PKMYT1: variants seen among roughly 807,000 people sequenced by gnomAD.
The protein encoded by PKMYT1 is membrane-associated tyrosine- and threonine-specific cdc2-inhibitory kinase.
Under a neutral mutation model 49.7 loss-of-function variants are expected in PKMYT1, and 35 were observed. That is an observed-to-expected ratio of 0.70 (90% confidence interval 0.54 to 0.93). The LOEUF is 0.93. Among genes scored for constraint, PKMYT1 ranks in the 40% least tolerant of loss-of-function variants. PKMYT1 has a pLI of 0.00. For missense variants in PKMYT1, 677 were observed against 673.1 expected, an observed-to-expected ratio of 1.01 and a Z score of -0.06; for synonymous variants, 331 against 287.6, an observed-to-expected ratio of 1.15 and a Z score of -1.53.
At chr16:2,973,341 C>A in intron 7 of PKMYT1, 126 bp from the exon 8 acceptor site, 1 of 1,543,056 alleles carries the variant, frequency 6.5e-7, no homozygotes, top group Non-Finnish European at 8.7e-7. Flanking sequence ...CAGTCAGGGA[C>A]AATAAAAACT....
chr16:2,980,150 CG>C (rs1215702053), intron 1 of PKMYT1, 135 bp downstream of exon 1: 1 of 163,818 alleles, frequency 6.1e-6, no homozygotes, highest in East Asian at 1.9e-4. Flanking sequence ...GGCAGGGGCT[CG>C]CGGGGGCGGG....
Position 2,974,146 on chromosome 16 carries a change from G to A in PKMYT1, c.1164C>T (p.Ala388=), listed in dbSNP as rs374192097. 10 of 1,601,232 alleles carry A rather than the reference G, an allele frequency of 6.2e-6. No homozygotes were observed. The highest frequency in any genetic ancestry group is 7.7e-6 in the Non-Finnish European group (9 of 1,174,302). Residue 388 remains alanine (A), a synonymous_variant, in exon 7 of 9, where the codon GCC becomes GCT. Transcript: ENST00000262300. ...RGWALWQALL[A]LLCWLWHGLA... is the part of the protein sequence containing the mutation. ...GCCCATGCCAGAGCCAGCAGAGCAG[G>A]GCAAGCAGGGCCTGTGGGGGAGAGG...
At chr16:2,975,956 C>T (rs1329119619) in intron 3 of PKMYT1, 144 bp from the exon 4 acceptor site, 1 of 860,460 alleles carries the variant, frequency 1.2e-6, no homozygotes, top group Non-Finnish European at 1.8e-6. Context: ...GACCCCTGCC[C>T]AGGGTAATAA....
intron 1 of PKMYT1, 156 bp from the exon 2 acceptor site, chr16:2,980,068 G>A (rs2072300532): frequency 4.2e-6 from 1 of 236,666 alleles, no homozygotes; most frequent in South Asian, 5.1e-5. Flanking sequence ...GTCTCCGGGA[G>A]GGGCGAGTAG....
chr16:2,976,570 G>A (rs1173371262), intron 3 of PKMYT1, 94 bp downstream of exon 3: 1 of 1,254,156 alleles, frequency 8.0e-7, no homozygotes, highest in African/African-American at 1.5e-5. Flanking sequence ...GAACGGAAGG[G>A]GATCAGGCTG....
At position 2,976,889 on chromosome 16, in the gene PKMYT1, G is replaced by C. The variant is rs2072210496; in HGVS notation, c.153C>G (p.Leu51=). 6.5e-7 allele frequency: 1 copy of C among 1,535,158 alleles called. No individual in the cohort carries two copies. The highest frequency in any genetic ancestry group is 8.8e-7 in the Non-Finnish European group (1 of 1,135,212). ...TGCCCTTGGCAGGGGGCGGAGGTGG[G>C]AGGCTCCGGCTGAGCCCCCTGGGCC... ...LKRPRGLSRS[L]PPPPPAKGSI... is the part of the protein sequence containing the mutation. Residue 51 remains leucine (L), a synonymous_variant, in exon 3 of 9, where the codon CTC becomes CTG. Coordinates refer to ENST00000262300, the MANE Select transcript of PKMYT1 (RefSeq NM_004203.5).
In PKMYT1 at chr16:2,976,850, G is replaced by T; in HGVS notation, c.192C>A (p.Ser64Arg). The T allele has an allele frequency of 6.5e-7, 1 of 1,543,722 alleles. No individual in the cohort carries two copies. Among genetic ancestry groups the T allele is most frequent in the African/African-American group, 1.4e-5 (1 of 73,068 alleles). ...PPPAKGSIPI[S>R]RLFPPRTPGW... is the part of the protein sequence containing the mutation. The stretch of plus-strand genomic sequence containing the variant: ...CTGGGGTCCGAGGAGGGAAGAGGCG[G>T]CTGATGGGAATGCTGCCCTTGGCAG... The change falls in exon 3 of 9, where the codon AGC becomes AGA. Residue 64 changes from serine to arginine, a missense_variant. Physicochemically the swap from Ser to Arg is moderately radical, Grantham distance 110 (BLOSUM62 -1). Coordinates refer to ENST00000262300, the MANE Select transcript of PKMYT1 (RefSeq NM_004203.5).
At chr16:2,974,440 T>G in intron 5 of PKMYT1, 23 bp from the exon 6 acceptor site, 1 of 1,596,368 alleles carries the variant, frequency 6.3e-7, no homozygotes, top group Non-Finnish European at 8.6e-7. Flanking sequence ...AAGGGCCACA[T>G]CGGGGTCCCA....
At position 2,974,014 on chromosome 16, in the gene PKMYT1, A is replaced by C. The variant is rs145788703; in HGVS notation, c.1296T>G (p.Asp432Glu). 159 of 1,612,680 alleles carry C rather than the reference A, an allele frequency of 9.9e-5. No individual in the cohort carries two copies. The East Asian group carries it at 3.5e-3, about 36-fold the overall frequency. Residue 432 changes from aspartate (D) to glutamate (E), a missense_variant, in exon 7 of 9, where the codon GAT (aspartate) becomes GAG (glutamate). Transcript: ENST00000262300. ...LLDSSLSSNW[D>E]DDSLGPSLSP... ...CTTGAACCCACCCTAGGCTGTCGTC[A>C]TCCCAGTTGCTGGAGAGGCTGCTGT... is the stretch of plus-strand genomic sequence containing the variant.
chr16:2,972,867 G>A lies in PKMYT1; in HGVS notation c.*86C>T. On this transcript the variant is annotated 3_prime_UTR_variant, in exon 9 of 9. Coordinates refer to ENST00000262300, the MANE Select transcript of PKMYT1 (RefSeq NM_004203.5). ...GACACGGCCAGGCAGAGAAGACCAT[G>A]GGAGTTCCCGAGGGGCCCCAGCTTT... is the stretch of plus-strand genomic sequence containing the variant. 6.5e-7 allele frequency: 1 copy of A among 1,536,156 alleles called. No individual in the cohort carries two copies. Among genetic ancestry groups the A allele is most frequent in the Non-Finnish European group, 8.8e-7 (1 of 1,134,694 alleles).
intron 2 of PKMYT1, among the ~76,000 whole-genome samples, chr16:2,978,839 C>T (rs544134297): frequency 5.5e-4 from 83 of 150,862 alleles, no homozygotes; most frequent in Non-Finnish European, 2.4e-4. Flanking sequence ...CAGGGTCTCA[C>T]TCTGTTGCCC....
rs1162687313 is a variant in PKMYT1, at chr16:2,975,334, G to C, written c.857C>G (p.Ala286Gly). ...PELLQGSYGT[A>G]ADVFSLGLTI... ...CGGTCCCCACCTGAACACATCCGCT[G>C]CTGTCCCATAGGAGCCCTGCAGCAG... The change falls in exon 4 of 9, where the codon GCA becomes GGA. Residue 286 changes from alanine (A) to glycine (G), a missense_variant. Ala to Gly is a moderately conservative substitution (Grantham distance 60, BLOSUM62 0). Coordinates refer to ENST00000262300, the MANE Select transcript of PKMYT1 (RefSeq NM_004203.5). 1 of 1,612,236 alleles carries C rather than the reference G, an allele frequency of 6.2e-7. No individual in the cohort carries two copies. The highest frequency in any genetic ancestry group is 1.7e-5 in the Admixed American group (1 of 59,968).
chr16:2,979,615 C>G (rs1427007287), intron 2 of PKMYT1, 33 bp downstream of exon 2: 17 of 1,576,968 alleles, frequency 1.1e-5, no homozygotes, highest in Non-Finnish European at 1.5e-5. Flanking sequence ...CATCTTAACC[C>G]AGTTCTCCCA....
chr16:2,977,890 C>G (rs1358403425), intron 2 of PKMYT1, among the ~76,000 whole-genome samples: 2 of 152,244 alleles, frequency 1.3e-5, no homozygotes, highest in East Asian at 1.9e-4. Flanking sequence ...TAAATTCCAG[C>G]TGAGTGTGGC....
In PKMYT1 at chr16:2,972,976, C is replaced by G. The variant is rs1261416838; in HGVS notation, c.1477G>C (p.Glu493Gln). The G allele has an allele frequency of 6.2e-7, 1 of 1,609,402 alleles. No homozygotes were observed. Among genetic ancestry groups the G allele is most frequent in the Non-Finnish European group, 8.5e-7 (1 of 1,178,832 alleles). Residue 493 changes from glutamate to glutamine, a missense_variant, in exon 9 of 9, where the codon GAG (glutamate) becomes CAG (glutamine). Physicochemically the swap from Glu to Gln is conservative, Grantham distance 29. Transcript: ENST00000262300. Reference sequence around the variant, plus strand: ...GCTCAGGTTGGGTCTAGGGTGTCCTCAAACAGGCTGAGGAGGTTCCGAGGC... The same window carrying G: ...GCTCAGGTTGGGTCTAGGGTGTCCTGAAACAGGCTGAGGAGGTTCCGAGGC... ...FEPRNLLSLF[E>Q]DTLDPT is the part of the protein sequence containing the mutation.
chr16:2,977,409 G>T (rs1473722322), intron 2 of PKMYT1: 2 of 1,014,410 alleles, frequency 2.0e-6, no homozygotes, highest in Non-Finnish European at 2.4e-6. Flanking sequence ...GACTACACGG[G>T]CCCACGATCC....
rs774505134 is a variant in PKMYT1, at chr16:2,974,286, T to C, written c.1111A>G (p.Met371Val). Residue 371 changes from methionine to valine, a missense_variant, in exon 6 of 9, where the codon ATG becomes GTG. Met to Val is a conservative substitution (Grantham distance 21). Transcript: ENST00000262300. The stretch of plus-strand genomic sequence containing the variant: ...CCTCGGCTCAGGGCCTCCGCTGCCA[T>C]GCACCACAGCACACCCCAGGCCCGC... ...QPRAWGVLWC[M>V]AAEALSRGWA... 6.3e-7 allele frequency: 1 copy of C among 1,583,910 alleles called. No homozygotes were observed. The highest frequency in any genetic ancestry group is 1.1e-5 in the South Asian group (1 of 87,766).
intron 2 of PKMYT1, 161 bp downstream of exon 2, chr16:2,979,487 G>C (rs139677982): frequency 1.4e-5 from 9 of 650,524 alleles, no homozygotes; most frequent in African/African-American, 5.4e-5. Flanking sequence ...AACTACCTCA[G>C]AGTCCCAGCC....
At chr16:2,977,502 T>G in intron 2 of PKMYT1, 1 of 992,628 alleles carries the variant, frequency 1.0e-6, no homozygotes, top group Non-Finnish European at 1.2e-6. Flanking sequence ...ACCCAGTTAG[T>G]GGTGTCCACT....
Sources: gnomAD v4.1 joint callset for allele counts (sites outside exome capture counted in the v4.1 genomes callset) on GRCh38, gnomAD v4.1.1 for gene constraint, MANE v1.5 for transcripts, NCBI Gene and HGNC (gene_info 2026-07-23, HGNC 2026-07-21) for gene names.